PI4KA: variants seen among roughly 807,000 people sequenced by gnomAD.
PI4KA encodes PI4-kinase alpha.
In PI4KA, 122 loss-of-function variants were observed where a neutral mutation model predicts 271.4. The ratio of observed to expected loss-of-function variants is 0.45; its 90% CI spans 0.39 to 0.52. The LOEUF is 0.52. PI4KA is among the 20% of genes least tolerant of loss of function. The pLI is 0.00. For synonymous variants in PI4KA, 1,041 were observed against 1,078.8 expected, an observed-to-expected ratio of 0.96 and a Z score of 0.69; for missense variants, 1,969 against 2,769.1, an observed-to-expected ratio of 0.71 and a Z score of 6.48.
rs548278044 is a variant in PI4KA, at chr22:20,775,032, A to T, written c.2329-9339T>A. On this transcript the variant is annotated intron_variant, in intron 19 of 54. Coordinates refer to ENST00000255882, the MANE Select transcript of PI4KA (RefSeq NM_058004.4). ...TACTTCAAAATAAAAAGTTTTCCAA[A>T]CTTTAGGCAGTTACTTCTCTCCCAT... Among the ~76,000 whole-genome samples, 5 of 152,226 alleles carry T rather than the reference A, an allele frequency of 3.3e-5. No homozygotes were observed. The South Asian group carries it at 1.0e-3, about 32-fold the overall frequency.
intron 18 of PI4KA, among the ~76,000 whole-genome samples, chr22:20,794,626 T>C (rs1934870047): frequency 6.6e-6 from 1 of 152,146 alleles, no homozygotes; most frequent in African/African-American, 2.4e-5. Context: ...CTTCATGCAG[T>C]TGTCATCTCA....
intron 16 of PI4KA, 130 bp downstream of exon 16, chr22:20,798,963 C>T (rs2147587154): frequency 1.4e-6 from 1 of 735,222 alleles, no homozygotes; most frequent in Non-Finnish European, 2.2e-6. Flanking sequence ...TACTACTCCG[C>T]ATTAAAACCG....
chr22:20,732,472 C>A (rs974061487), intron 36 of PI4KA, among the ~76,000 whole-genome samples: 16 of 152,338 alleles, frequency 1.1e-4, no homozygotes, highest in African/African-American at 3.1e-4. Context: ...GCCGGTGCAG[C>A]CATTCAGACT....
chr22:20,782,218 G>A (rs1182270554), intron 19 of PI4KA, among the ~76,000 whole-genome samples: 1 of 152,210 alleles, frequency 6.6e-6, no homozygotes, highest in Non-Finnish European at 1.5e-5. Flanking sequence ...GACAGGCAGA[G>A]AAGTACAGCA....
At chr22:20,761,712 C>T (rs1314741441) in intron 22 of PI4KA, among the ~76,000 whole-genome samples, 1 of 151,858 alleles carries the variant, frequency 6.6e-6, no homozygotes, top group Non-Finnish European at 1.5e-5. Flanking sequence ...CCAAAGCATA[C>T]CCATTCGATG....
At chr22:20,796,796 T>A (rs1283464504) in intron 17 of PI4KA, among the ~76,000 whole-genome samples, 1 of 152,248 alleles carries the variant, frequency 6.6e-6, no homozygotes. Flanking sequence ...GATGTCAGTA[T>A]TTTTTCACAT....
At chr22:20,839,881 A>G (rs1008427932) in intron 1 of PI4KA, among the ~76,000 whole-genome samples, 1 of 152,204 alleles carries the variant, frequency 6.6e-6, no homozygotes, top group Non-Finnish European at 1.5e-5. Context: ...CACAGCATAT[A>G]GTAAATGCTC....
rs361731 is a variant in PI4KA at position 20,817,734 on chromosome 22, C to CAAAAAA, written c.856+743_856+748dup. Among the ~76,000 whole-genome samples the CAAAAAA allele has an allele frequency of 2.4e-3, 33 of 13,972 alleles. 8 individuals are homozygous for CAAAAAA. The highest frequency in any genetic ancestry group is 9.0e-3 in the East Asian group (3 of 332). The allele number at this position is 13,972 out of a possible 152,430, so 9.2% of individuals were successfully genotyped here. Reference sequence around the variant, plus strand: ...GGGTGGCAGAGTGAGACTCTCTCTCCAAAAAAAAAAAAAAAAAAAAAAAAA... The same window carrying CAAAAAA: ...GGGTGGCAGAGTGAGACTCTCTCTCCAAAAAAAAAAAAAAAAAAAAAAAAAAAAAAA... On this transcript the variant is annotated intron_variant, in intron 7 of 54. Coordinates refer to ENST00000255882, the MANE Select transcript of PI4KA (RefSeq NM_058004.4).
At chr22:20,810,134 C>T (rs9620556) in intron 9 of PI4KA, among the ~76,000 whole-genome samples, 6,373 of 152,186 alleles carry the variant, frequency 0.042, 420 homozygotes, top group African/African-American at 0.14. Context: ...AAATGTTCCC[C>T]GAGATTTTTG....
At chr22:20,724,809 A>T (rs1927155988) in intron 42 of PI4KA, among the ~76,000 whole-genome samples, 1 of 151,996 alleles carries the variant, frequency 6.6e-6, no homozygotes, top group Admixed American at 6.6e-5. Flanking sequence ...TCTCACCCTT[A>T]TGCTAGGCCT....
intron 7 of PI4KA, among the ~76,000 whole-genome samples, chr22:20,815,886 AG>A (rs1250626617): frequency 6.6e-6 from 1 of 152,162 alleles, no homozygotes; most frequent in African/African-American, 2.4e-5. Context: ...CAGGGGCTGC[AG>A]GAACTAGGGA....
chr22:20,810,462 T>C (rs1332814115), intron 9 of PI4KA, among the ~76,000 whole-genome samples: 3 of 151,720 alleles, frequency 2.0e-5, no homozygotes, highest in African/African-American at 4.8e-5. Context: ...TGAGCCGAGA[T>C]TGCGCCACTG....
intron 42 of PI4KA, among the ~76,000 whole-genome samples, chr22:20,724,804 C>G (rs1336583699): frequency 2.0e-5 from 3 of 151,876 alleles, no homozygotes; most frequent in Non-Finnish European, 2.9e-5. Context: ...CTGGATCTCA[C>G]CCTTATGCTA....
chr22:20,804,507 CT>C, intron 11 of PI4KA, 107 bp from the exon 12 acceptor site: 1 of 784,312 alleles, frequency 1.3e-6, no homozygotes, highest in Non-Finnish European at 2.2e-6. Flanking sequence ...CAGAGACATA[CT>C]TTAGGCAGGG....
chr22:20,833,168 A>G (rs1924409470), intron 3 of PI4KA, among the ~76,000 whole-genome samples: 2 of 152,062 alleles, frequency 1.3e-5, no homozygotes, highest in Admixed American at 6.6e-5. Flanking sequence ...GGCTCAGCTC[A>G]GCACTCCTGG....
intron 1 of PI4KA, among the ~76,000 whole-genome samples, chr22:20,857,434 C>T (rs1422908852): frequency 6.6e-6 from 1 of 152,228 alleles, no homozygotes. Flanking sequence ...AGCCTTTCAG[C>T]TTCATCCATC....
At chr22:20,847,544 G>A (rs1264272765) in intron 1 of PI4KA, among the ~76,000 whole-genome samples, 1 of 152,122 alleles carries the variant, frequency 6.6e-6, no homozygotes, top group Non-Finnish European at 1.5e-5. Flanking sequence ...GGGGTACATG[G>A]TGAAACCCAA....
chr22:20,807,244 ATG>A (rs765017843), intron 10 of PI4KA, 116 bp downstream of exon 10: 29 of 653,172 alleles, frequency 4.4e-5, no homozygotes, highest in Non-Finnish European at 6.8e-5. Context: ...CTTTGCTCAT[ATG>A]TGTTTTTCAG....
chr22:20,711,708 G>A (rs369072952), intron 50 of PI4KA, among the ~76,000 whole-genome samples: 1 of 152,076 alleles, frequency 6.6e-6, no homozygotes, highest in African/African-American at 2.4e-5. Flanking sequence ...GTCCAACCCA[G>A]CCCTACATTC....
Sources: allele counts gnomAD v4.1 joint callset (sites outside exome capture counted in the v4.1 genomes callset), GRCh38; gene constraint gnomAD v4.1.1; transcripts MANE v1.5; gene names NCBI Gene and HGNC (gene_info 2026-07-23, HGNC 2026-07-21).